The following WDTC1 variants were observed in gnomAD, a reference collection of about 807,000 sequenced individuals.
WDTC1 encodes the protein WD and tetratricopeptide repeats protein 1.
WDTC1 carries 12 observed loss-of-function variants against 76.0 expected under a neutral mutation model. The ratio of observed to expected loss-of-function variants is 0.16; its 90% CI spans 0.10 to 0.26. The LOEUF (loss-of-function observed/expected upper bound fraction) is 0.26. Ranked by LOEUF, WDTC1 falls within the 10% of genes least tolerant of loss-of-function variation. The pLI is 1.00. For synonymous variants in WDTC1, 326 were observed against 350.8 expected (o/e 0.93, Z 0.79); for missense variants, 511 against 908.8 (o/e 0.56, Z 5.63).
rs1278747047 is a variant in WDTC1, at chr1:27,303,042, G to A, written c.1469-579G>A. On this transcript the variant is annotated intron_variant, in intron 13 of 15. Transcript: ENST00000319394. The surrounding 1 kb of genome is among the most constrained non-coding windows in gnomAD (Gnocchi z 4.8). The stretch of plus-strand genomic sequence containing the variant: ...AATCCCAGCACTTTGGGAGGCCAAG[G>A]CAGGTGGATCACCTGAGGTCAGGAG... Among the ~76,000 whole-genome samples, 1 of 152,162 alleles carries A rather than the reference G, an allele frequency of 6.6e-6. No homozygotes were observed. Among genetic ancestry groups the A allele is most frequent in the Non-Finnish European group, 1.5e-5 (1 of 68,022 alleles).
At chr1:27,296,448 T>C (rs1411283053) in intron 10 of WDTC1, 47 bp downstream of exon 10, 1 of 1,592,404 alleles carries the variant, frequency 6.3e-7, no homozygotes, top group Non-Finnish European at 8.6e-7. Flanking sequence ...GTAGGGGAGC[T>C]TAAGTGCATG....
At chr1:27,281,125 C>T (rs917242849) in intron 3 of WDTC1, among the ~76,000 whole-genome samples, 2 of 152,006 alleles carry the variant, frequency 1.3e-5, no homozygotes, top group Non-Finnish European at 2.9e-5. Flanking sequence ...GTACCCCCAG[C>T]ATCTGAACAG....
At chr1:27,298,255 C>A in intron 12 of WDTC1, 144 bp downstream of exon 12, 1 of 977,358 alleles carries the variant, frequency 1.0e-6, no homozygotes, top group Non-Finnish European at 1.4e-6. Flanking sequence ...GGCTTCTTGG[C>A]CTCTCCTCCC....
intron 4 of WDTC1, 42 bp downstream of exon 4, chr1:27,282,327 AG>A (rs1378942896): frequency 6.2e-7 from 1 of 1,604,574 alleles, no homozygotes; most frequent in Non-Finnish European, 8.5e-7. Flanking sequence ...TGGGGAAGGA[AG>A]TAAGGAGGGT....
At chr1:27,258,080 G>A (rs1405362166) in intron 1 of WDTC1, among the ~76,000 whole-genome samples, 1 of 151,554 alleles carries the variant, frequency 6.6e-6, no homozygotes, top group Non-Finnish European at 1.5e-5. Flanking sequence ...GAGCCACTGC[G>A]CCTGGCGGTT....
intron 3 of WDTC1, among the ~76,000 whole-genome samples, chr1:27,276,113 A>C (rs1032326174): frequency 6.6e-6 from 1 of 152,170 alleles, no homozygotes; most frequent in Non-Finnish European, 1.5e-5. Context: ...CATTCTGTCT[A>C]TCCATTCATC....
intron 1 of WDTC1, among the ~76,000 whole-genome samples, chr1:27,258,547 A>G (rs372612354): frequency 7.2e-5 from 11 of 151,726 alleles, no homozygotes; most frequent in African/African-American, 1.2e-4. Context: ...AAAAAGAAAA[A>G]AAAAGAAAAG....
chr1:27,268,768 G>A (rs985983709), intron 3 of WDTC1, among the ~76,000 whole-genome samples: 1 of 150,128 alleles, frequency 6.7e-6, no homozygotes, highest in African/African-American at 2.5e-5. Context: ...AGGCTGGAGT[G>A]CAGTGGCGCA....
At chr1:27,304,173 G>C (rs2013898761) in intron 14 of WDTC1, 1 of 235,048 alleles carries the variant, frequency 4.3e-6, no homozygotes, top group Non-Finnish European at 8.3e-6. Context: ...CCAAGGCTGG[G>C]AATCTTGGCA....
At chr1:27,298,139 G>A in intron 12 of WDTC1, 28 bp downstream of exon 12, 1 of 1,553,252 alleles carries the variant, frequency 6.4e-7, no homozygotes, top group Non-Finnish European at 8.7e-7. Context: ...AGGGGATCTG[G>A]GTCAGGATGA....
intron 3 of WDTC1, among the ~76,000 whole-genome samples, chr1:27,266,584 G>A (rs1388649222): frequency 6.6e-6 from 1 of 152,176 alleles, no homozygotes; most frequent in Non-Finnish European, 1.5e-5. Context: ...TGCTATTATT[G>A]TTGTTATTTA....
chr1:27,235,275 T>G (rs2011470242), intron 1 of WDTC1, among the ~76,000 whole-genome samples: 1 of 152,122 alleles, frequency 6.6e-6, no homozygotes, highest in Non-Finnish European at 1.5e-5. Context: ...TTGTTTGACA[T>G]CTGATCTGGC....
rs187246362 is a variant in WDTC1 at position 27,294,088 on chromosome 1, G to A, written c.729G>A (p.Pro243=). 34 of 1,614,082 alleles carry A rather than the reference G, an allele frequency of 2.1e-5. No homozygotes were observed. The highest frequency in any genetic ancestry group is 1.6e-4 in the Middle Eastern group (1 of 6,062). Residue 243 remains proline (P), a synonymous_variant, in exon 8 of 16, where the codon CCG becomes CCA. Coordinates refer to ENST00000319394, the MANE Select transcript of WDTC1 (RefSeq NM_001276252.2). ...HTFCDRQKPL[P]DGAAQYYVAG... is the part of the protein sequence containing the mutation. ...TCTGTGACCGGCAGAAACCCCTTCC[G>A]GACGGTGCAGCCCAGTATTACGTAG...
chr1:27,245,559 GT>G (rs1030225009), intron 1 of WDTC1, among the ~76,000 whole-genome samples: 1,447 of 143,698 alleles, frequency 0.01, 64 homozygotes, highest in African/African-American at 0.033. Context: ...GTTTTTTTTG[GT>G]TTTTTTTTTT....
intron 3 of WDTC1, among the ~76,000 whole-genome samples, chr1:27,275,459 A>T (rs1446125909): frequency 6.6e-6 from 1 of 152,082 alleles, no homozygotes; most frequent in African/African-American, 2.4e-5. Flanking sequence ...CTCTACTAAA[A>T]ATACGAAAAA....
At chr1:27,287,970 T>G in intron 6 of WDTC1, 109 bp downstream of exon 6, 1 of 1,355,762 alleles carries the variant, frequency 7.4e-7, no homozygotes, top group South Asian at 1.4e-5. Flanking sequence ...TCCAACCTCC[T>G]TTGTCTGCCC....
rs1201604889 is a variant in WDTC1, at chr1:27,303,072, A to T, written c.1469-549A>T. ...TGGATCACCTGAGGTCAGGAGTTTG[A>T]GACCAGCCTGGCCAATGTGGCGAAA... On this transcript the variant is annotated intron_variant, in intron 13 of 15. Coordinates refer to ENST00000319394, the MANE Select transcript of WDTC1 (RefSeq NM_001276252.2). The surrounding 1 kb of genome is among the most constrained non-coding windows in gnomAD (Gnocchi z 4.8). Among the ~76,000 whole-genome samples the T allele has an allele frequency of 6.6e-6, 1 of 152,148 alleles. No homozygotes were observed. The highest frequency in any genetic ancestry group is 1.5e-5 in the Non-Finnish European group (1 of 68,016).
At chr1:27,261,428 A>G (rs1372185037) in intron 2 of WDTC1, among the ~76,000 whole-genome samples, 2 of 152,076 alleles carry the variant, frequency 1.3e-5, no homozygotes, top group African/African-American at 2.4e-5. Context: ...AGCAAATATA[A>G]CTTCTTCATG....
chr1:27,255,320 A>G (rs1250428082), intron 1 of WDTC1: 1 of 152,166 alleles, frequency 6.6e-6, no homozygotes, highest in Non-Finnish European at 1.5e-5. Flanking sequence ...GGACTTTGGA[A>G]TCACATGGCC....
Sources: gnomAD v4.1 joint callset for allele counts (sites outside exome capture counted in the v4.1 genomes callset) on GRCh38, gnomAD v4.1.1 for gene constraint, Gnocchi (gnomAD v3.1) non-coding constraint, MANE v1.5 for transcripts, NCBI Gene and HGNC (gene_info 2026-07-23, HGNC 2026-07-21) for gene names.